Variants in TTLL1 observed in about 807,000 individuals in gnomAD.
TTLL1 encodes TTL family tubulin polyglutamylase complex subunit L1.
A neutral mutation model predicts 47.8 loss-of-function variants in TTLL1; 33 were observed. The ratio of observed to expected loss-of-function variants is 0.69; its 90% confidence interval spans 0.52 to 0.92. The LOEUF (loss-of-function observed/expected upper bound fraction) is 0.92, where lower values mean the gene tolerates loss of function less well. Ranked by LOEUF, TTLL1 falls within the 40% of genes least tolerant of loss-of-function variation. TTLL1 has a pLI of 0.00. For missense variants in TTLL1, 488 were observed against 547.5 expected, an observed-to-expected ratio of 0.89 and a Z score of 1.08; for synonymous variants, 225 against 214.1, an observed-to-expected ratio of 1.05 and a Z score of -0.45.
rs758157773 is a variant in TTLL1 at position 43,046,521 on chromosome 22, T to C, written c.1031A>G (p.Lys344Arg). The C allele has an allele frequency of 4.3e-6, 7 of 1,614,148 alleles. No homozygotes were observed. In the East Asian group the frequency reaches 1.3e-4, roughly 31 times the overall value. The change falls in exon 10 of 11, where the codon AAG becomes AGG. Residue 344 changes from lysine to arginine, a missense_variant. Transcript: ENST00000266254. ...GAGGGTGTCATTAATCAGGTTGTAC[T>C]TGAGGATTCGGTCATTGGCAGTGCT... ...TSSTANDRILKYNLINDTLNI... is the reference protein window; with the variant it reads ...TSSTANDRILRYNLINDTLNI...
intron 2 of TTLL1, among the ~76,000 whole-genome samples, chr22:43,076,431 C>T (rs948449276): frequency 3.3e-5 from 5 of 151,158 alleles, no homozygotes; most frequent in Non-Finnish European, 5.9e-5. Flanking sequence ...CCTCCAGCCT[C>T]GGCGACAGAG....
intron 1 of TTLL1, among the ~76,000 whole-genome samples, chr22:43,087,932 G>A (rs1293132171): frequency 2.0e-5 from 3 of 151,108 alleles, no homozygotes; most frequent in African/African-American, 4.9e-5. Flanking sequence ...CGGATCACCT[G>A]AGGTCAGGAG....
chr22:43,076,393 T>C (rs1431954873), intron 2 of TTLL1, among the ~76,000 whole-genome samples: 1 of 151,498 alleles, frequency 6.6e-6, no homozygotes, highest in Non-Finnish European at 1.5e-5. Flanking sequence ...GAGGCAGAGG[T>C]TGTAGTGAGC....
At chr22:43,080,902 C>CTTTTTCTTTTTTTT (rs1928833866) in intron 1 of TTLL1, among the ~76,000 whole-genome samples, 21 of 69,284 alleles carry the variant, frequency 3.0e-4, no homozygotes, top group Non-Finnish European at 4.7e-4. Context: ...TGTTGCATGA[C>CTTTTTCTTTTTTTT]TTTTTTTTTT....
At chr22:43,062,537 G>C (rs1414628918) in intron 7 of TTLL1, among the ~76,000 whole-genome samples, 1 of 149,910 alleles carries the variant, frequency 6.7e-6, no homozygotes, top group African/African-American at 2.5e-5. Flanking sequence ...AAAAGAAACT[G>C]CATTATTTAA....
rs34220084 is a variant in TTLL1 at position 43,051,821 on chromosome 22, G to A, written c.958C>T (p.Leu320=). 2.4e-3 allele frequency: 3,847 copies of A among 1,614,056 alleles called. 80 individuals are homozygous for A. The African/African-American group carries it at 0.045, about 19-fold the overall frequency. Residue 320 remains leucine, a synonymous_variant, in exon 9 of 11, where the codon CTG becomes TTG. Transcript: ENST00000266254. ...GTTACCTCGATCAGCCAGGGCTTCA[G>A]CTTGTCGTCGATGATGATGTCGTAG... The part of the protein sequence containing the change: ...YGYDIIIDDK[L]KPWLIEVNAS...
At chr22:43,069,600 T>G in intron 4 of TTLL1, 36 bp downstream of exon 4, 1 of 1,613,136 alleles carries the variant, frequency 6.2e-7, no homozygotes, top group Non-Finnish European at 8.5e-7. Context: ...ATTCAGCTGT[T>G]TACTGAAAAC....
At chr22:43,073,567 G>A (rs986890249) in intron 3 of TTLL1, among the ~76,000 whole-genome samples, 1 of 151,630 alleles carries the variant, frequency 6.6e-6, no homozygotes, top group Non-Finnish European at 1.5e-5. Context: ...AGTTGGCTAG[G>A]CTGGTCTCCA....
At chr22:43,050,988 C>A (rs1210518311) in intron 9 of TTLL1, among the ~76,000 whole-genome samples, 1 of 152,256 alleles carries the variant, frequency 6.6e-6, no homozygotes, top group Non-Finnish European at 1.5e-5. Flanking sequence ...TCCCATGACT[C>A]TACCCATAGG....
intron 9 of TTLL1, among the ~76,000 whole-genome samples, chr22:43,050,724 T>A (rs917996913): frequency 1.3e-5 from 2 of 152,098 alleles, no homozygotes; most frequent in African/African-American, 2.4e-5. Flanking sequence ...GGTTTTGCCA[T>A]GTTGGCCAGG....
chr22:43,043,260 G>A (rs1443784376), intron 10 of TTLL1, among the ~76,000 whole-genome samples: 1 of 151,946 alleles, frequency 6.6e-6, no homozygotes, highest in Non-Finnish European at 1.5e-5. Context: ...CTTCTTGGCC[G>A]GGAAATGGCG....
chr22:43,039,840 G>C lies in TTLL1; in HGVS notation c.1208C>G (p.Ser403Cys). 2 of 1,614,054 alleles carry C rather than the reference G, an allele frequency of 1.2e-6. No individual in the cohort carries two copies. The highest frequency in any genetic ancestry group is 8.5e-7 in the Non-Finnish European group (1 of 1,180,012). The stretch of plus-strand genomic sequence containing the variant: ...CGATCGGCCTGCTCTGGGCCCCAGA[G>C]ACTGACCCTGACGGCTTCTCAGCTC... The part of the protein sequence containing the change: ...DRELRSRQGQ[S>C]LGPRAGRSRD... Residue 403 changes from serine (S) to cysteine (C), a missense_variant, in exon 11 of 11, where the codon TCT becomes TGT. Coordinates refer to ENST00000266254, the MANE Select transcript of TTLL1 (RefSeq NM_012263.5).
At chr22:43,059,657 C>T (rs2146971754) in intron 7 of TTLL1, 130 bp from the exon 8 acceptor site, 2 of 1,208,708 alleles carry the variant, frequency 1.7e-6, no homozygotes, top group African/African-American at 3.1e-5. Flanking sequence ...AGGCAAACAT[C>T]CAGACCCCTG....
At chr22:43,051,508 G>A (rs1926618563) in intron 9 of TTLL1, among the ~76,000 whole-genome samples, 1 of 152,182 alleles carries the variant, frequency 6.6e-6, no homozygotes, top group African/African-American at 2.4e-5. Flanking sequence ...GGGACAGGGT[G>A]CAGGACTGAG....
chr22:43,048,582 C>T (rs551619933), intron 9 of TTLL1, among the ~76,000 whole-genome samples: 10 of 150,366 alleles, frequency 6.7e-5, no homozygotes, highest in Non-Finnish European at 1.3e-4. Flanking sequence ...CAAGTTGCGG[C>T]GAGCAATGAT....
In TTLL1 at chr22:43,064,040, G is replaced by A. The variant is rs138075431; in HGVS notation, c.639-119C>T. 202 of 1,470,362 alleles carry A rather than the reference G, an allele frequency of 1.4e-4. No individual in the cohort carries two copies. The African/African-American group carries it at 1.6e-3, about 11-fold the overall frequency. 91.1% of individuals were successfully genotyped at this position (1,470,362 alleles called of 1,614,324 possible). On this transcript the variant is annotated intron_variant, in intron 6 of 10. Transcript: ENST00000266254. The stretch of plus-strand genomic sequence containing the variant: ...GATTTACACGACTCACATCGGCATC[G>A]GGCCTGACTGCTCTTACTTCCCTCA...
intron 3 of TTLL1, 126 bp from the exon 4 acceptor site, chr22:43,069,970 C>G: frequency 7.0e-7 from 1 of 1,435,292 alleles, no homozygotes; most frequent in South Asian, 1.4e-5. Flanking sequence ...TCCCCTGGCA[C>G]CTGAGCCAGG....
chr22:43,070,231 A>C (rs1353464589), intron 3 of TTLL1: 1 of 1,321,396 alleles, frequency 7.6e-7, no homozygotes, highest in East Asian at 5.2e-5. Flanking sequence ...AAATTCAGGA[A>C]GGTCAAGGAG....
intron 2 of TTLL1, among the ~76,000 whole-genome samples, chr22:43,078,137 A>G (rs549502217): frequency 7.9e-5 from 12 of 152,036 alleles, no homozygotes; most frequent in Admixed American, 7.2e-4. Context: ...GACATTCACT[A>G]TTATCATCAT....
Sources: allele counts gnomAD v4.1 joint callset (sites outside exome capture counted in the v4.1 genomes callset), GRCh38; gene constraint gnomAD v4.1.1; transcripts MANE v1.5; gene names NCBI Gene and HGNC (gene_info 2026-07-23, HGNC 2026-07-21).